The following EXOSC5 variants were observed in gnomAD, a reference collection of about 807,000 sequenced individuals.
EXOSC5 encodes exosome component 5.
Under a neutral mutation model 23.7 loss-of-function variants are expected in EXOSC5, and 15 were observed. The observed-to-expected ratio is 0.63, with a 90% CI of 0.42 to 0.97. The LOEUF (loss-of-function observed/expected upper bound fraction) is 0.97, where lower values mean the gene tolerates loss of function less well. Ranked by LOEUF, EXOSC5 falls within the 50% of genes least tolerant of loss-of-function variation. The probability of loss-of-function intolerance (pLI) is 0.00; values close to 1 mark genes in which losing one functional copy is unlikely to be tolerated. For missense variants in EXOSC5, 305 were observed against 316.3 expected (o/e 0.96, Z 0.27); for synonymous variants, 143 against 140.9 (o/e 1.02, Z -0.11).
intron 4 of EXOSC5, among the ~76,000 whole-genome samples, chr19:41,388,436 T>G (rs1291952541): frequency 6.6e-6 from 1 of 152,154 alleles, no homozygotes; most frequent in Admixed American, 6.5e-5. Context: ...GTGACAGCCA[T>G]GGAGGTGGGG....
chr19:41,393,051 C>G (rs2039036025), intron 1 of EXOSC5, 71 bp from the exon 2 acceptor site: 3 of 1,342,506 alleles, frequency 2.2e-6, no homozygotes, highest in South Asian at 2.4e-5. Context: ...GGCACTGAGC[C>G]TGACGGCCAG....
Position 41,386,735 on chromosome 19 carries a change from A to G in EXOSC5, c.616-10T>C. On this transcript the variant is annotated splice_polypyrimidine_tract_variant and intron_variant, in intron 5 of 5. Coordinates refer to ENST00000221233, the MANE Select transcript of EXOSC5 (RefSeq NM_020158.4). ...CCAGGCACTGCTGGAGCTGCGGGGG[A>G]GAGACTGGTCGGTGCTGGGGGCCGA... 2 of 1,575,768 alleles carry G rather than the reference A, an allele frequency of 1.3e-6. No homozygotes were observed.
chr19:41,392,591 AAAAT>A (rs1234057338), intron 2 of EXOSC5, among the ~76,000 whole-genome samples: 1 of 152,026 alleles, frequency 6.6e-6, no homozygotes, highest in Non-Finnish European at 1.5e-5. Flanking sequence ...CTCCAAAAAA[AAAAT>A]AAATAAATAA....
intron 4 of EXOSC5, among the ~76,000 whole-genome samples, chr19:41,388,171 C>T (rs115861442): frequency 0.016 from 2,479 of 152,342 alleles, 71 homozygotes; most frequent in African/African-American, 0.056. Flanking sequence ...ATTCCAACCA[C>T]GTGGTTCTGA....
chr19:41,387,751 A>G lies in EXOSC5; in HGVS notation c.526-148T>C, dbSNP rs772205326. Reference sequence around the variant, plus strand: ...GGCAGGGCACTGCTTGAGGCCAGAAACTCAAGACCAATCTGGGCAACAGAG... The same window carrying G: ...GGCAGGGCACTGCTTGAGGCCAGAAGCTCAAGACCAATCTGGGCAACAGAG... On this transcript the variant is annotated intron_variant, in intron 4 of 5. Transcript: ENST00000221233. 159 of 410,838 alleles carry G rather than the reference A, an allele frequency of 3.9e-4. 1 individual carries two copies. Among genetic ancestry groups the G allele is most frequent in the Non-Finnish European group, 4.3e-4 (101 of 235,784 alleles). 25.4% of individuals were successfully genotyped at this position (410,838 alleles called of 1,614,324 possible).
chr19:41,390,864 C>T (rs2039018256), intron 3 of EXOSC5, among the ~76,000 whole-genome samples: 1 of 152,182 alleles, frequency 6.6e-6, no homozygotes, highest in Non-Finnish European at 1.5e-5. Context: ...GTCACAATAC[C>T]TTCTCTCTCT....
At chr19:41,387,639 G>A in intron 4 of EXOSC5, 36 bp from the exon 5 acceptor site, 1 of 1,455,250 alleles carries the variant, frequency 6.9e-7, no homozygotes, top group South Asian at 1.3e-5. Context: ...GGGGGACCTA[G>A]GACCTTCCCC....
chr19:41,396,999 C>T (rs1197764074), intron 1 of EXOSC5, among the ~76,000 whole-genome samples, 182 bp downstream of exon 1: 1 of 152,162 alleles, frequency 6.6e-6, no homozygotes, highest in South Asian at 2.1e-4. Flanking sequence ...CTATCTTCTC[C>T]TTTCTAGTCG....
At position 41,387,498 on chromosome 19, in the gene EXOSC5, A is replaced by T; in HGVS notation, c.615+16T>A. 1 of 1,576,536 alleles carries T rather than the reference A, an allele frequency of 6.3e-7. No individual in the cohort carries two copies. The highest frequency in any genetic ancestry group is 8.6e-7 in the Non-Finnish European group (1 of 1,162,072). On this transcript the variant is annotated intron_variant, in intron 5 of 5. Coordinates refer to ENST00000221233, the MANE Select transcript of EXOSC5 (RefSeq NM_020158.4). ...AAGGAAGGTTCTGGCTTTTCCCCTC[A>T]TCCCCATGCTGGTACCTCAGTGTCT...
chr19:41,386,565 G>C lies in EXOSC5; in HGVS notation c.*68C>G, dbSNP rs753050560. ...GTCAGAGAGGCAAGGCTGGGCTGCT[G>C]GTTTGCTTCAGGCTGTAGGGGGTGA... On this transcript the variant is annotated 3_prime_UTR_variant, in exon 6 of 6. Transcript: ENST00000221233. 8 of 1,478,190 alleles carry C rather than the reference G, an allele frequency of 5.4e-6. No homozygotes were observed. The highest frequency in any genetic ancestry group is 7.4e-6 in the Non-Finnish European group (8 of 1,088,094). The allele number at this position is 1,478,190 out of a possible 1,614,324, so 91.6% of individuals were successfully genotyped here.
chr19:41,392,824 G>A (rs1189124521), intron 2 of EXOSC5, 43 bp downstream of exon 2: 2 of 1,592,228 alleles, frequency 1.3e-6, no homozygotes, highest in Non-Finnish European at 1.7e-6. Context: ...GGGTGATTTT[G>A]ACAAACTGGG....
chr19:41,387,971 A>G (rs2038996848), intron 4 of EXOSC5, among the ~76,000 whole-genome samples: 2 of 151,874 alleles, frequency 1.3e-5, no homozygotes, highest in South Asian at 4.2e-4. Context: ...TCCCCTTCCC[A>G]CCACACACTT....
At chr19:41,388,595 A>C (rs916103993) in intron 4 of EXOSC5, among the ~76,000 whole-genome samples, 1 of 152,034 alleles carries the variant, frequency 6.6e-6, no homozygotes, top group African/African-American at 2.4e-5. Flanking sequence ...TCTGGGTGTC[A>C]CTCCTGCTTC....
Position 41,387,564 on chromosome 19 carries a change from C to T in EXOSC5, c.565G>A (p.Glu189Lys). ...GTGCTGGACATCAGCAGCTTCCGTT[C>T]CACGCTGTCCAGGGCAAAGGTCAGG... ...AVLTFALDSV[E>K]RKLLMSSTKG... The change falls in exon 5 of 6, where the codon GAA (glutamate) becomes AAA (lysine). Residue 189 changes from glutamate to lysine, a missense_variant. Glu to Lys is a moderately conservative substitution (Grantham distance 56). Transcript: ENST00000221233. 6.2e-7 allele frequency: 1 copy of T among 1,606,720 alleles called. No homozygotes were observed. Among genetic ancestry groups the T allele is most frequent in the Non-Finnish European group, 8.5e-7 (1 of 1,177,156 alleles).
In EXOSC5 at chr19:41,386,616, C is replaced by G. The variant is rs779589894; in HGVS notation, c.*17G>C. The G allele has an allele frequency of 7.7e-6, 12 of 1,567,808 alleles. No individual in the cohort carries two copies. In the South Asian group the frequency reaches 1.4e-4, roughly 18 times the overall value. The stretch of plus-strand genomic sequence containing the variant: ...GTGGGTGGAGGCAATGGGAGCGGCC[C>G]CTTGCCCCAGCTTGCCTCAGCTCTT... On this transcript the variant is annotated 3_prime_UTR_variant, in exon 6 of 6. Transcript: ENST00000221233.
At chr19:41,397,056 G>T in intron 1 of EXOSC5, 125 bp downstream of exon 1, 1 of 1,113,746 alleles carries the variant, frequency 9.0e-7, no homozygotes, top group Non-Finnish European at 1.3e-6. Flanking sequence ...GTATTCAATC[G>T]GACAAGAAAT....
At position 41,391,831 on chromosome 19, in the gene EXOSC5, G is replaced by A; in HGVS notation, c.384+10C>T. ...ACTTCCTGGAGGAGGAGGCCTGGCA[G>A]AAAGGATACAGAGCCGGCATCGCTG... On this transcript the variant is annotated intron_variant, in intron 3 of 5. Transcript: ENST00000221233. 5 of 1,498,916 alleles carry A rather than the reference G, an allele frequency of 3.3e-6. No homozygotes were observed. The highest frequency in any genetic ancestry group is 4.4e-6 in the Non-Finnish European group (5 of 1,130,610). The allele number at this position is 1,498,916 out of a possible 1,614,324, so 92.9% of individuals were successfully genotyped here.
chr19:41,387,631 G>GGGACCTA, intron 4 of EXOSC5, 28 bp from the exon 5 acceptor site: 1 of 1,525,460 alleles, frequency 6.6e-7, no homozygotes, highest in Non-Finnish European at 8.9e-7. Flanking sequence ...AAGGCGGTGG[G>GGGACCTA]GGACCTAGGA....
rs1317797885 is a variant in EXOSC5 at position 41,388,449 on chromosome 19, G to C, written c.526-846C>G. On this transcript the variant is annotated intron_variant, in intron 4 of 5. Coordinates refer to ENST00000221233, the MANE Select transcript of EXOSC5 (RefSeq NM_020158.4). ...GTGTGACAGCCATGGAGGTGGGGTG[G>C]GTTCTGGACCTCAGTGGCCAGGGCA... Among the ~76,000 whole-genome samples, 6 of 152,320 alleles carry C rather than the reference G, an allele frequency of 3.9e-5. No homozygotes were observed. In the East Asian group the frequency reaches 1.2e-3, roughly 29 times the overall value.
Sources: gnomAD v4.1 joint callset for allele counts (sites outside exome capture counted in the v4.1 genomes callset) on GRCh38, gnomAD v4.1.1 for gene constraint, MANE v1.5 for transcripts, NCBI Gene and HGNC (gene_info 2026-07-23, HGNC 2026-07-21) for gene names.